The following GLYATL2 variants were observed in gnomAD, a reference collection of about 807,000 sequenced individuals.
GLYATL2 encodes the protein glycine N-acyltransferase-like protein 2.
A neutral mutation model predicts 21.4 loss-of-function variants in GLYATL2; 25 were observed. That is an observed-to-expected ratio of 1.17 (90% CI 0.85 to 1.63). The LOEUF is 1.63. Ranked by LOEUF, GLYATL2 falls within the 40% of genes most tolerant of loss-of-function variation. The pLI, the probability that GLYATL2 is intolerant of heterozygous loss-of-function variation, is 0.00. For missense variants in GLYATL2, 361 were observed against 343.3 expected (o/e 1.05, Z -0.41); for synonymous variants, 114 against 118.2 (o/e 0.96, Z 0.23).
intron 1 of GLYATL2, among the ~76,000 whole-genome samples, chr11:58,883,130 A>G (rs1325422857): frequency 6.6e-6 from 1 of 152,196 alleles, no homozygotes; most frequent in Non-Finnish European, 1.5e-5. Flanking sequence ...CATTGAATCT[A>G]TAAATTACCT....
At chr11:58,873,177 G>GA (rs1854157868) in intron 1 of GLYATL2, among the ~76,000 whole-genome samples, 1 of 151,164 alleles carries the variant, frequency 6.6e-6, no homozygotes, top group Non-Finnish European at 1.5e-5. Context: ...AGATTAAGGA[G>GA]ATTTGGGGCT....
At chr11:58,897,672 T>C (rs947633593) in intron 1 of GLYATL2, among the ~76,000 whole-genome samples, 8 of 152,196 alleles carry the variant, frequency 5.3e-5, no homozygotes, top group Non-Finnish European at 1.5e-5. Flanking sequence ...CAAACTCATG[T>C]GTTATAGGGC....
chr11:58,849,289 A>G (rs1190796793), upstream of GLYATL2, among the ~76,000 whole-genome samples: 2 of 152,188 alleles, frequency 1.3e-5, no homozygotes, highest in Non-Finnish European at 2.9e-5. Flanking sequence ...AACAGACAGA[A>G]TATTATAACG....
intron 1 of GLYATL2, among the ~76,000 whole-genome samples, chr11:58,884,646 T>TA (rs1273912614): frequency 3.9e-5 from 6 of 152,330 alleles, no homozygotes; most frequent in African/African-American, 1.4e-4. Flanking sequence ...GAACTCTTAA[T>TA]ATTCACTTTT....
intron 1 of GLYATL2, among the ~76,000 whole-genome samples, chr11:58,852,555 A>T (rs1162175976): frequency 6.6e-6 from 1 of 152,216 alleles, no homozygotes; most frequent in African/African-American, 2.4e-5. Context: ...CATTTTATGG[A>T]GCAGGAAATT....
upstream of GLYATL2, chr11:58,907,468 C>T (rs373701966): frequency 4.0e-3 from 1,221 of 308,434 alleles, 11 homozygotes; most frequent in African/African-American, 0.045. Flanking sequence ...TCATGTATTT[C>T]GCTCTTTTTT....
chr11:58,866,103 T>G (rs937746435), intron 1 of GLYATL2, among the ~76,000 whole-genome samples: 2 of 148,858 alleles, frequency 1.3e-5, no homozygotes, highest in Non-Finnish European at 3.0e-5. Context: ...CATTGAAACC[T>G]CATCACCAAC....
At chr11:58,893,124 T>G (rs945770156) in intron 1 of GLYATL2, 2 of 405,420 alleles carry the variant, frequency 4.9e-6, no homozygotes, top group Non-Finnish European at 9.3e-6. Context: ...GAGGGAAGAA[T>G]GAGAGGAGCC....
chr11:58,903,942 C>T (rs989621794), intron 1 of GLYATL2, among the ~76,000 whole-genome samples: 2 of 152,182 alleles, frequency 1.3e-5, no homozygotes, highest in Non-Finnish European at 2.9e-5. Flanking sequence ...ACACACTCAT[C>T]ACTCCTGGCA....
At chr11:58,886,986 A>G (rs1565106365) in intron 1 of GLYATL2, among the ~76,000 whole-genome samples, 1 of 152,242 alleles carries the variant, frequency 6.6e-6, no homozygotes, top group African/African-American at 2.4e-5. Flanking sequence ...TGGCTTCCTG[A>G]TAATTTGGGA....
At chr11:58,873,966 G>A (rs539072656) in intron 1 of GLYATL2, among the ~76,000 whole-genome samples, 131 of 152,184 alleles carry the variant, frequency 8.6e-4, no homozygotes, top group Non-Finnish European at 1.6e-3. Context: ...ATTTCAGAGG[G>A]TGTTATTGGT....
intron 1 of GLYATL2, among the ~76,000 whole-genome samples, chr11:58,869,337 G>C (rs1169726797): frequency 6.6e-6 from 1 of 152,196 alleles, no homozygotes; most frequent in Non-Finnish European, 1.5e-5. Context: ...TCTAAGCAGG[G>C]TCGGGCCAGG....
upstream of GLYATL2, among the ~76,000 whole-genome samples, chr11:58,906,661 T>C: frequency 6.6e-6 from 1 of 152,144 alleles, no homozygotes; most frequent in East Asian, 1.9e-4. Context: ...GATTTAGGTA[T>C]GGTAATTAGC....
intron 1 of GLYATL2, among the ~76,000 whole-genome samples, chr11:58,852,579 G>C (rs762119558): frequency 3.3e-4 from 50 of 152,080 alleles, no homozygotes; most frequent in Non-Finnish European, 6.6e-4. Flanking sequence ...ATAGAGATAG[G>C]GTAAATAGCT....
At chr11:58,909,040 G>T (rs2134643053), upstream of GLYATL2, among the ~76,000 whole-genome samples, 1 of 152,210 alleles carries the variant, frequency 6.6e-6, no homozygotes, top group East Asian at 1.9e-4. Context: ...GCTGGTTTTT[G>T]ACCCACACTA....
chr11:58,885,741 G>C (rs2134616906), intron 1 of GLYATL2, among the ~76,000 whole-genome samples: 1 of 152,326 alleles, frequency 6.6e-6, no homozygotes, highest in African/African-American at 2.4e-5. Context: ...CTGGGAAAAG[G>C]GGTGGAGGGG....
intron 1 of GLYATL2, among the ~76,000 whole-genome samples, chr11:58,862,262 G>C (rs1189879954): frequency 6.6e-6 from 1 of 151,968 alleles, no homozygotes; most frequent in African/African-American, 2.4e-5. Flanking sequence ...ATTTTTGATA[G>C]TTTAATTAAA....
chr11:58,848,152 G>T (rs1278296542), upstream of GLYATL2, among the ~76,000 whole-genome samples: 1 of 152,094 alleles, frequency 6.6e-6, no homozygotes, highest in East Asian at 1.9e-4. Flanking sequence ...GGCTTGGGAT[G>T]CTCTCTGAAG....
At chr11:58,889,582 G>A (rs1484594311) in intron 1 of GLYATL2, among the ~76,000 whole-genome samples, 1 of 152,026 alleles carries the variant, frequency 6.6e-6, no homozygotes, top group South Asian at 2.1e-4. Flanking sequence ...TATTTAGAAT[G>A]GAGGGTAAAT....
Sources: gnomAD v4.1 joint callset for allele counts (sites outside exome capture counted in the v4.1 genomes callset) on GRCh38, gnomAD v4.1.1 for gene constraint, MANE v1.5 for transcripts, NCBI Gene and HGNC (gene_info 2026-07-23, HGNC 2026-07-21) for gene names.